Variants in PRKAR1B observed in about 807,000 individuals in gnomAD.
The protein encoded by PRKAR1B is protein kinase cAMP-dependent type I regulatory subunit beta, also known as cAMP-dependent protein kinase type I-beta regulatory subunit.
A neutral mutation model predicts 46.5 loss-of-function variants in PRKAR1B; 22 were observed. The observed-to-expected ratio is 0.47, with a 90% CI of 0.34 to 0.68. The LOEUF (loss-of-function observed/expected upper bound fraction) is 0.68, where lower values mean the gene tolerates loss of function less well. Ranked by LOEUF, PRKAR1B falls within the 30% of genes least tolerant of loss-of-function variation. PRKAR1B has a pLI of 0.01. For missense variants in PRKAR1B, 445 were observed against 535.6 expected (o/e 0.83, Z 1.67); for synonymous variants, 259 against 217.7 (o/e 1.19, Z -1.67).
At chr7:616,701 C>A (rs1161340991) in intron 4 of PRKAR1B, among the ~76,000 whole-genome samples, 1 of 152,228 alleles carries the variant, frequency 6.6e-6, no homozygotes, top group Non-Finnish European at 1.5e-5. Context: ...CACAGCCCAG[C>A]CTTTTCCCTC....
intron 9 of PRKAR1B, among the ~76,000 whole-genome samples, chr7:569,223 T>G (rs944243329): frequency 2.0e-5 from 3 of 152,158 alleles, no homozygotes; most frequent in Admixed American, 6.5e-5. Context: ...GGTTCTTGTC[T>G]CCCAAAGCAG....
At position 714,154 on chromosome 7, in the gene PRKAR1B, G is replaced by C. The variant is rs1780789763; in HGVS notation, c.-22-2627C>G. 6.6e-6 allele frequency among the ~76,000 whole-genome samples: 1 copy of C among 152,064 alleles called. No individual in the cohort carries two copies. The highest frequency in any genetic ancestry group is 1.9e-4 in the East Asian group (1 of 5,190). On this transcript the variant is annotated intron_variant, in intron 1 of 10. Transcript: ENST00000537384. The surrounding 1 kb of genome is among the most constrained non-coding windows in gnomAD (Gnocchi z 4.3). ...GGTGAGGACAGCAAAAAAGACCCAG[G>C]TGCCACCTAACCAAGGCGACGTCTC... is the stretch of plus-strand genomic sequence containing the variant.
chr7:565,891 G>A (rs1021461855), intron 9 of PRKAR1B, among the ~76,000 whole-genome samples: 4 of 152,168 alleles, frequency 2.6e-5, no homozygotes, highest in Admixed American at 2.6e-4. Context: ...ACCAGGTTCT[G>A]GGGAGATTTA....
chr7:643,854 C>T (rs1346642726), intron 4 of PRKAR1B, among the ~76,000 whole-genome samples: 2 of 152,302 alleles, frequency 1.3e-5, no homozygotes, highest in Non-Finnish European at 2.9e-5. Context: ...CACAGATGCA[C>T]AGGGTTCAGG....
chr7:589,594 C>CTATGCCCACCG (rs1780865696), intron 7 of PRKAR1B, among the ~76,000 whole-genome samples: 1 of 152,168 alleles, frequency 6.6e-6, no homozygotes, highest in Non-Finnish European at 1.5e-5. Flanking sequence ...TGTGGCCTGC[C>CTATGCCCACCG]TATGCCCACC....
Position 551,390 on chromosome 7 carries a change from G to C in PRKAR1B, c.972C>G (p.Phe324Leu). The change falls in exon 10 of 11, where the codon TTC (phenylalanine) becomes TTG (leucine). Residue 324 changes from phenylalanine to leucine, a missense_variant and splice_region_variant. By Grantham distance (22) the Phe-to-Leu change is conservative. Transcript: ENST00000537384. ...GGAGGGGACGCCCACTGGACTCACC[G>C]AAGTAGTCAGAGGGTCCCAGGCGCC... Reference protein sequence around the residue: ...EVGRLGPSDYFGEIALLLNRP... With the variant: ...EVGRLGPSDYLGEIALLLNRP... 6.4e-7 allele frequency: 1 copy of C among 1,556,964 alleles called. No individual in the cohort carries two copies. The highest frequency in any genetic ancestry group is 8.7e-7 in the Non-Finnish European group (1 of 1,150,196).
At chr7:693,958 G>A (rs1321792364) in intron 2 of PRKAR1B, among the ~76,000 whole-genome samples, 2 of 152,196 alleles carry the variant, frequency 1.3e-5, no homozygotes, top group Non-Finnish European at 2.9e-5. Flanking sequence ...GCATGCATTG[G>A]GTTTGGGATG....
intron 4 of PRKAR1B, among the ~76,000 whole-genome samples, chr7:642,393 T>A (rs73254233): frequency 0.023 from 3,465 of 152,232 alleles, 94 homozygotes; most frequent in African/African-American, 0.066. Flanking sequence ...AGTGGGTGAA[T>A]TTTATCATAT....
chr7:571,825 C>T (rs1053105579), intron 9 of PRKAR1B, among the ~76,000 whole-genome samples: 1 of 152,216 alleles, frequency 6.6e-6, no homozygotes, highest in Non-Finnish European at 1.5e-5. Context: ...AATGCCGCTC[C>T]ACTTTCCCGT....
intron 2 of PRKAR1B, among the ~76,000 whole-genome samples, chr7:681,121 C>CT (rs1778657912): frequency 6.6e-6 from 1 of 152,068 alleles, no homozygotes; most frequent in South Asian, 2.1e-4. Context: ...ACTCCTCCCC[C>CT]TTCACTCAGC....
At chr7:685,300 ATATATACG>A (rs1280482204) in intron 2 of PRKAR1B, among the ~76,000 whole-genome samples, 1 of 13,298 alleles carries the variant, frequency 7.5e-5, no homozygotes, top group Non-Finnish European at 1.5e-4. Context: ...GTATACATAT[ATATATACG>A]TATATATACG....
chr7:564,172 C>A (rs2128428321), intron 9 of PRKAR1B, among the ~76,000 whole-genome samples: 1 of 152,276 alleles, frequency 6.6e-6, no homozygotes, highest in Non-Finnish European at 1.5e-5. Context: ...GCCCAGTGGG[C>A]CCCTCCGGGT....
At chr7:664,448 C>T (rs185740734) in intron 4 of PRKAR1B, among the ~76,000 whole-genome samples, 220 of 152,306 alleles carry the variant, frequency 1.4e-3, no homozygotes, top group Non-Finnish European at 2.7e-3. Flanking sequence ...CTTCTCTGGG[C>T]CTCGGGTCCC....
intron 4 of PRKAR1B, among the ~76,000 whole-genome samples, chr7:673,720 G>C (rs769448575): frequency 1.3e-5 from 2 of 152,108 alleles, no homozygotes; most frequent in Non-Finnish European, 2.9e-5. Context: ...ACCACTGCCA[G>C]GCAGACACCT....
chr7:712,293 G>A (rs1780686741), intron 1 of PRKAR1B: 1 of 149,978 alleles, frequency 6.7e-6, no homozygotes, highest in Non-Finnish European at 1.5e-5. Context: ...GGAGCCCCAG[G>A]CCCGGCCCCG....
chr7:661,687 A>T (rs566920079), intron 4 of PRKAR1B, among the ~76,000 whole-genome samples: 5 of 44,322 alleles, frequency 1.1e-4, no homozygotes, highest in Non-Finnish European at 1.7e-4. Flanking sequence ...ACAGATGCAA[A>T]TACCTACTCT....
At chr7:624,714 A>G (rs951650924) in intron 4 of PRKAR1B, among the ~76,000 whole-genome samples, 8 of 152,234 alleles carry the variant, frequency 5.3e-5, no homozygotes, top group Non-Finnish European at 1.2e-4. Context: ...AATGGGTCAT[A>G]AGGCAAAATC....
chr7:569,411 C>A (rs1779368847), intron 9 of PRKAR1B, among the ~76,000 whole-genome samples: 1 of 152,218 alleles, frequency 6.6e-6, no homozygotes, highest in Admixed American at 6.5e-5. Context: ...CACAGTTCAG[C>A]CGGGTGCTGG....
At chr7:638,993 G>C (rs966017012) in intron 4 of PRKAR1B, among the ~76,000 whole-genome samples, 2 of 152,134 alleles carry the variant, frequency 1.3e-5, no homozygotes, top group Non-Finnish European at 1.5e-5. Flanking sequence ...TAGGAGAATC[G>C]CTTGAGCCTG....
Sources: allele counts gnomAD v4.1 joint callset (sites outside exome capture counted in the v4.1 genomes callset), GRCh38; gene constraint gnomAD v4.1.1; non-coding constraint Gnocchi (gnomAD v3.1); transcripts MANE v1.5; gene names NCBI Gene and HGNC (gene_info 2026-07-23, HGNC 2026-07-21).